Variants in FUT9 observed in about 807,000 individuals in gnomAD.
FUT9 encodes 4-galactosyl-N-acetylglucosaminide 3-alpha-L-fucosyltransferase 9.
A neutral mutation model predicts 29.7 loss-of-function variants in FUT9; 15 were observed. The observed-to-expected ratio is 0.51, with a 90% CI of 0.34 to 0.78. FUT9 has a LOEUF of 0.78. FUT9 is among the 30% of genes least tolerant of loss of function. FUT9 has a pLI of 0.01. For missense variants in FUT9, 319 were observed against 425.4 expected, an observed-to-expected ratio of 0.75 and a Z score of 2.20; for synonymous variants, 169 against 153.7, an observed-to-expected ratio of 1.10 and a Z score of -0.74.
chr6:96,130,563 C>A (rs4555922), intron 2 of FUT9, among the ~76,000 whole-genome samples: 134,749 of 152,160 alleles, frequency 0.89, 61,040 homozygotes, highest in East Asian at 0.99. Flanking sequence ...AACTGCAATT[C>A]ATGAGCCTGA....
Position 96,206,842 on chromosome 6 carries a change from A to C in FUT9, c.*2607A>C. On this transcript the variant is annotated 3_prime_UTR_variant, in exon 3 of 3. Transcript: ENST00000302103. ...TTTCAACCTGCCTTGGCTCTAGTGA[A>C]TGTTCATGATTTGAAAGAACTGAAA... 1 of 167,190 alleles carries C rather than the reference A, an allele frequency of 6.0e-6. No individual in the cohort carries two copies. 10.4% of individuals were successfully genotyped at this position (167,190 alleles called of 1,614,324 possible). A position where few individuals can be genotyped will look rare whatever the true frequency, so the allele number is the denominator to read the frequency against.
At position 96,137,118 on chromosome 6, in the gene FUT9, G is replaced by C. The variant is rs553707337; in HGVS notation, c.-9+22991G>C. On this transcript the variant is annotated intron_variant, in intron 2 of 2. Coordinates refer to ENST00000302103, the MANE Select transcript of FUT9 (RefSeq NM_006581.4). Reference sequence around the variant, plus strand: ...TTTATCAAGAACTTATTAATTCCAGGCATATTATGAGGTGCTGTAAGGCAT... The same window carrying C: ...TTTATCAAGAACTTATTAATTCCAGCCATATTATGAGGTGCTGTAAGGCAT... Among the ~76,000 whole-genome samples, 309 of 151,868 alleles carry C rather than the reference G, an allele frequency of 2.0e-3. 3 individuals carry two copies. The highest frequency in any genetic ancestry group is 1.9e-3 in the Non-Finnish European group (126 of 67,846).
intron 1 of FUT9, among the ~76,000 whole-genome samples, chr6:96,058,164 T>C (rs942275467): frequency 2.6e-5 from 4 of 152,098 alleles, no homozygotes; most frequent in African/African-American, 4.8e-5. Flanking sequence ...AGTTCTATTC[T>C]GTTATGCTAC....
intron 2 of FUT9, among the ~76,000 whole-genome samples, chr6:96,139,329 G>A (rs1271663374): frequency 2.0e-5 from 3 of 152,140 alleles, no homozygotes; most frequent in Admixed American, 6.5e-5. Flanking sequence ...CCACGGTCTT[G>A]GGAAGCTCTG....
intron 2 of FUT9, among the ~76,000 whole-genome samples, chr6:96,190,515 T>C (rs891856340): frequency 1.3e-5 from 2 of 152,208 alleles, no homozygotes; most frequent in African/African-American, 2.4e-5. Context: ...CCAACTTGGT[T>C]CCATTCTCCC....
At chr6:96,087,737 T>C (rs1039529460) in intron 1 of FUT9, among the ~76,000 whole-genome samples, 1 of 152,156 alleles carries the variant, frequency 6.6e-6, no homozygotes, top group Non-Finnish European at 1.5e-5. Flanking sequence ...GTAAACCCCA[T>C]AATATAGTTT....
chr6:96,063,337 G>T (rs1770908148), intron 1 of FUT9, among the ~76,000 whole-genome samples: 1 of 152,110 alleles, frequency 6.6e-6, no homozygotes, highest in African/African-American at 2.4e-5. Context: ...CTTCTGGGGA[G>T]GCCTCAGGAA....
chr6:96,084,319 T>C (rs1434248302), intron 1 of FUT9, among the ~76,000 whole-genome samples: 1 of 152,130 alleles, frequency 6.6e-6, no homozygotes, highest in Non-Finnish European at 1.5e-5. Context: ...GCACTTTTTA[T>C]AAGTGTTATG....
intron 2 of FUT9, among the ~76,000 whole-genome samples, chr6:96,127,287 T>C (rs547085400): frequency 6.6e-6 from 1 of 152,326 alleles, no homozygotes; most frequent in African/African-American, 2.4e-5. Flanking sequence ...TAAGAATACA[T>C]GATACTTAGT....
chr6:96,122,039 G>T (rs906382722), intron 2 of FUT9, among the ~76,000 whole-genome samples: 1 of 151,976 alleles, frequency 6.6e-6, no homozygotes, highest in African/African-American at 2.4e-5. Flanking sequence ...GTAGCCAAGA[G>T]AATTTTAGTA....
intron 1 of FUT9, among the ~76,000 whole-genome samples, chr6:96,112,786 G>A (rs1482887944): frequency 1.3e-5 from 2 of 152,160 alleles, no homozygotes; most frequent in Admixed American, 6.6e-5. Context: ...TTTTTGACGG[G>A]ATAAGCTTAT....
intron 1 of FUT9, among the ~76,000 whole-genome samples, chr6:96,095,418 A>G (rs1483809125): frequency 1.5e-4 from 23 of 152,232 alleles, no homozygotes; most frequent in Non-Finnish European, 8.8e-5. Context: ...AATACATTCA[A>G]CTAGGCTTGC....
chr6:96,093,213 T>C (rs778808477), intron 1 of FUT9, among the ~76,000 whole-genome samples: 35 of 152,306 alleles, frequency 2.3e-4, no homozygotes, highest in Non-Finnish European at 4.3e-4. Context: ...ATCATACCCC[T>C]AGTACCTTGC....
intron 2 of FUT9, among the ~76,000 whole-genome samples, chr6:96,170,795 T>C (rs1423232510): frequency 6.6e-6 from 1 of 152,152 alleles, no homozygotes; most frequent in Non-Finnish European, 1.5e-5. Context: ...AATGGGACAT[T>C]TGGGGATTGT....
chr6:96,082,423 C>T (rs534805540), intron 1 of FUT9, among the ~76,000 whole-genome samples: 1 of 151,750 alleles, frequency 6.6e-6, no homozygotes, highest in African/African-American at 2.4e-5. Flanking sequence ...TGATGATCAG[C>T]AGTATAACAA....
In FUT9 at chr6:96,210,200, C is replaced by T. The variant is rs1273050245; in HGVS notation, c.*5965C>T. ...TATTCTATTAAATATGAGGTATTACCTTTCTTTAGTTCACCTGGAATCTTC... is the reference window on the plus strand; with the variant it reads ...TATTCTATTAAATATGAGGTATTACTTTTCTTTAGTTCACCTGGAATCTTC... On this transcript the variant is annotated 3_prime_UTR_variant, in exon 3 of 3. Transcript: ENST00000302103. 2.4e-5 allele frequency: 4 copies of T among 166,824 alleles called. No homozygotes were observed. Among genetic ancestry groups the T allele is most frequent in the Non-Finnish European group, 1.5e-5 (1 of 68,032 alleles). The allele number at this position is 166,824 out of a possible 1,614,324, so 10.3% of individuals were successfully genotyped here. A position where few individuals can be genotyped will look rare whatever the true frequency, so the allele number is the denominator to read the frequency against.
At chr6:96,044,367 C>T (rs1453993802) in intron 1 of FUT9, among the ~76,000 whole-genome samples, 1 of 152,148 alleles carries the variant, frequency 6.6e-6, no homozygotes, top group African/African-American at 2.4e-5. Flanking sequence ...ATAGCAAACC[C>T]ATTTGCATTT....
At chr6:96,112,592 CT>C (rs1255032039) in intron 1 of FUT9, among the ~76,000 whole-genome samples, 1 of 152,054 alleles carries the variant, frequency 6.6e-6, no homozygotes, top group Admixed American at 6.6e-5. Context: ...AAATCTACTG[CT>C]TTAGGAAAGA....
At chr6:96,095,940 T>C (rs1318656020) in intron 1 of FUT9, among the ~76,000 whole-genome samples, 1 of 152,188 alleles carries the variant, frequency 6.6e-6, no homozygotes, top group South Asian at 2.1e-4. Flanking sequence ...TTACATGATG[T>C]GATGTTTGTA....
Sources: gnomAD v4.1 joint callset for allele counts (sites outside exome capture counted in the v4.1 genomes callset) on GRCh38, gnomAD v4.1.1 for gene constraint, MANE v1.5 for transcripts, NCBI Gene and HGNC (gene_info 2026-07-23, HGNC 2026-07-21) for gene names.